Variants in ROBO2 observed in about 807,000 individuals in gnomAD.
The protein encoded by ROBO2 is roundabout homolog 2.
In ROBO2, 53 loss-of-function variants were observed where a neutral mutation model predicts 160.8. The observed-to-expected ratio is 0.33, with a 90% CI of 0.26 to 0.41. The LOEUF is 0.41. Ranked by LOEUF, ROBO2 falls within the 10% of genes least tolerant of loss-of-function variation. The probability of loss-of-function intolerance (pLI) is 1.00; values close to 1 mark genes in which losing one functional copy is unlikely to be tolerated. For synonymous variants in ROBO2, 664 were observed against 611.7 expected (o/e 1.09, Z -1.26); for missense variants, 1,577 against 1,722.4 (o/e 0.92, Z 1.49).
Position 77,522,994 on chromosome 3 carries a change from T to C in ROBO2, c.934+92T>C, listed in dbSNP as rs929606993. On this transcript the variant is annotated intron_variant, in intron 6 of 25. Transcript: ENST00000461745. ...AACTTACGATCAAAATAATGAATTATGCTGTTTTGTTGTACTAAAATGCCT... is the reference window on the plus strand; with the variant it reads ...AACTTACGATCAAAATAATGAATTACGCTGTTTTGTTGTACTAAAATGCCT... 4.7e-6 allele frequency: 7 copies of C among 1,483,162 alleles called. No homozygotes were observed. In the African/African-American group the frequency reaches 8.3e-5, roughly 18 times the overall value. The allele number at this position is 1,483,162 out of a possible 1,614,324, so 91.9% of individuals were successfully genotyped here. A position where few individuals can be genotyped will look rare whatever the true frequency, so the allele number is the denominator to read the frequency against.
Position 76,226,154 on chromosome 3 carries a change from A to G in ROBO2, c.109+288552A>G, listed in dbSNP as rs138105480. Among the ~76,000 whole-genome samples the G allele has an allele frequency of 3.5e-3, 536 of 152,352 alleles. 7 individuals are homozygous for G. The highest frequency in any genetic ancestry group is 0.024 in the Admixed American group (372 of 15,294). Reference sequence around the variant, plus strand: ...AATACTAAGAAATTCAATGAAGTCTATAAGAACACTAATTTTTTCTCCTTA... The same window carrying G: ...AATACTAAGAAATTCAATGAAGTCTGTAAGAACACTAATTTTTTCTCCTTA... On this transcript the variant is annotated intron_variant, in intron 2 of 26. Transcript: ENST00000487694.
intron 2 of ROBO2, among the ~76,000 whole-genome samples, chr3:76,443,856 G>A (rs1044823923): frequency 6.6e-6 from 1 of 152,094 alleles, no homozygotes; most frequent in African/African-American, 2.4e-5. Context: ...GTCTTTTCTG[G>A]AAAAGTTACA....
chr3:76,627,760 G>T (rs2089753764), intron 2 of ROBO2, among the ~76,000 whole-genome samples: 1 of 152,200 alleles, frequency 6.6e-6, no homozygotes, highest in Non-Finnish European at 1.5e-5. Context: ...TAAATGAAGT[G>T]CATCTCGGGA....
intron 5 of ROBO2, among the ~76,000 whole-genome samples, chr3:77,509,658 G>A (rs961528801): frequency 3.3e-5 from 5 of 152,054 alleles, no homozygotes; most frequent in African/African-American, 4.8e-5. Context: ...TATACTGTGT[G>A]ATGTCCCCAG....
chr3:77,442,999 G>A (rs1243270442), intron 2 of ROBO2, among the ~76,000 whole-genome samples: 1 of 152,164 alleles, frequency 6.6e-6, no homozygotes, highest in Non-Finnish European at 1.5e-5. Flanking sequence ...AATATAATGT[G>A]TCTGAGTGCA....
intron 2 of ROBO2, among the ~76,000 whole-genome samples, chr3:76,317,695 A>T (rs1192524561): frequency 2.0e-5 from 3 of 152,114 alleles, no homozygotes; most frequent in African/African-American, 7.2e-5. Flanking sequence ...AGGTCTGAAA[A>T]ACATGTTTTT....
rs572984304 is a variant in ROBO2 at position 76,240,292 on chromosome 3, C to G, written c.109+302690C>G. 8.1e-4 allele frequency among the ~76,000 whole-genome samples: 123 copies of G among 152,074 alleles called. 1 individual carries two copies. The highest frequency in any genetic ancestry group is 3.1e-4 in the Non-Finnish European group (21 of 68,014). On this transcript the variant is annotated intron_variant, in intron 2 of 26. Coordinates refer to the ROBO2 transcript ENST00000487694. Reference sequence around the variant, plus strand: ...GCTCTCCCTCCCATAACCCCCACCCCCCGACAGGCCCCAGTGTGTGATGTT... The same window carrying G: ...GCTCTCCCTCCCATAACCCCCACCCGCCGACAGGCCCCAGTGTGTGATGTT...
intron 2 of ROBO2, among the ~76,000 whole-genome samples, chr3:76,271,009 C>T (rs1209343064): frequency 1.3e-5 from 2 of 151,992 alleles, no homozygotes; most frequent in East Asian, 3.9e-4. Context: ...AACTTTATAC[C>T]TATACAAAGT....
At chr3:77,251,219 C>T (rs948639426) in intron 2 of ROBO2, among the ~76,000 whole-genome samples, 7 of 152,076 alleles carry the variant, frequency 4.6e-5, no homozygotes, top group African/African-American at 1.2e-4. Context: ...GCCATTAAAC[C>T]GTGGCCCCAC....
chr3:77,209,064 A>G (rs2083775970), intron 2 of ROBO2, among the ~76,000 whole-genome samples: 2 of 152,196 alleles, frequency 1.3e-5, no homozygotes, highest in African/African-American at 4.8e-5. Context: ...TTCTTTGAAA[A>G]GCAGGCACGA....
At chr3:76,619,820 A>G (rs557519070) in intron 2 of ROBO2, among the ~76,000 whole-genome samples, 1 of 152,266 alleles carries the variant, frequency 6.6e-6, no homozygotes, top group South Asian at 2.1e-4. Flanking sequence ...CATCACTTTG[A>G]GCTTTCAGTG....
chr3:77,337,235 T>A, intron 2 of ROBO2, among the ~76,000 whole-genome samples: 1 of 152,204 alleles, frequency 6.6e-6, no homozygotes, highest in East Asian at 1.9e-4. Context: ...TTTGTTCTTT[T>A]AAAATTAGCA....
intron 2 of ROBO2, among the ~76,000 whole-genome samples, chr3:76,923,866 A>G (rs766820589): frequency 1.3e-5 from 2 of 152,224 alleles, no homozygotes; most frequent in African/African-American, 2.4e-5. Flanking sequence ...TATAGCATGA[A>G]CTAAATAATG....
chr3:76,587,347 C>G lies in ROBO2; in HGVS notation c.110-510667C>G, dbSNP rs564712355. Reference sequence around the variant, plus strand: ...GTACCTGTATTAGTCCATTCTCACGCTCCTATAAAGAACTGCTTGAGACTG... The same window carrying G: ...GTACCTGTATTAGTCCATTCTCACGGTCCTATAAAGAACTGCTTGAGACTG... On this transcript the variant is annotated intron_variant, in intron 2 of 26. Transcript: ENST00000487694. Among the ~76,000 whole-genome samples, 5 of 152,152 alleles carry G rather than the reference C, an allele frequency of 3.3e-5. No individual in the cohort carries two copies. The East Asian group carries it at 9.7e-4, about 29-fold the overall frequency.
At chr3:75,941,981 C>T (rs540931877) in intron 2 of ROBO2, among the ~76,000 whole-genome samples, 68 of 152,284 alleles carry the variant, frequency 4.5e-4, no homozygotes, top group Non-Finnish European at 8.2e-4. Context: ...CTCTCTCTGT[C>T]TTTGCCTCCA....
At chr3:77,645,719 T>A (rs540302010) in intron 25 of ROBO2, among the ~76,000 whole-genome samples, 2 of 152,318 alleles carry the variant, frequency 1.3e-5, no homozygotes, top group East Asian at 1.9e-4. Flanking sequence ...GTCATTGTTG[T>A]TGACTATTGC....
intron 2 of ROBO2, among the ~76,000 whole-genome samples, chr3:77,116,338 G>A (rs564140956): frequency 1.2e-4 from 18 of 152,276 alleles, no homozygotes; most frequent in Admixed American, 9.8e-4. Context: ...TATGGCATGG[G>A]CTTGTCATGT....
intron 2 of ROBO2, among the ~76,000 whole-genome samples, chr3:76,695,072 C>G (rs761866404): frequency 1.3e-5 from 2 of 152,156 alleles, no homozygotes; most frequent in African/African-American, 2.4e-5. Flanking sequence ...CCATTGCACT[C>G]CAGCCTGGGC....
At chr3:76,256,490 G>C (rs1234369945) in intron 2 of ROBO2, among the ~76,000 whole-genome samples, 1 of 150,734 alleles carries the variant, frequency 6.6e-6, no homozygotes, top group Non-Finnish European at 1.5e-5. Flanking sequence ...ATGGATCACT[G>C]GAGCCCAGAA....
Sources: allele counts gnomAD v4.1 joint callset (sites outside exome capture counted in the v4.1 genomes callset), GRCh38; gene constraint gnomAD v4.1.1; transcripts MANE v1.5; gene names NCBI Gene and HGNC (gene_info 2026-07-23, HGNC 2026-07-21).